EPHA3: variants seen among roughly 807,000 people sequenced by gnomAD.
EPHA3 encodes the protein ephrin type-A receptor 3.
A neutral mutation model predicts 107.1 loss-of-function variants in EPHA3; 42 were observed. The observed-to-expected ratio is 0.39, with a 90% CI of 0.31 to 0.51. The LOEUF (loss-of-function observed/expected upper bound fraction) is 0.51. EPHA3 is among the 20% of genes least tolerant of loss of function. The probability of loss-of-function intolerance (pLI) is 0.78; values close to 1 mark genes in which losing one functional copy is unlikely to be tolerated. For missense variants in EPHA3, 1,183 were observed against 1,211.2 expected (o/e 0.98, Z 0.35); for synonymous variants, 461 against 424.8 (o/e 1.09, Z -1.05).
At chr3:89,422,856 T>G (rs1292742317) in intron 11 of EPHA3, among the ~76,000 whole-genome samples, 1 of 151,450 alleles carries the variant, frequency 6.6e-6, no homozygotes, top group Non-Finnish European at 1.5e-5. Context: ...GTATTTTCAT[T>G]TAGCCACAAA....
At chr3:89,307,515 A>G (rs1048582001) in intron 3 of EPHA3, among the ~76,000 whole-genome samples, 2 of 152,190 alleles carry the variant, frequency 1.3e-5, no homozygotes, top group African/African-American at 4.8e-5. Flanking sequence ...TGGTATATAT[A>G]TGGTTACCAG....
At chr3:89,117,770 T>C (rs974646700) in intron 1 of EPHA3, among the ~76,000 whole-genome samples, 1 of 152,144 alleles carries the variant, frequency 6.6e-6, no homozygotes, top group African/African-American at 2.4e-5. Context: ...TTGATTTATT[T>C]GTCACTATCT....
intron 5 of EPHA3, among the ~76,000 whole-genome samples, chr3:89,350,094 C>G (rs1707772114): frequency 6.6e-6 from 1 of 150,750 alleles, no homozygotes; most frequent in Non-Finnish European, 1.5e-5. Context: ...AATTATGTGT[C>G]TTGGAGTTGC....
At chr3:89,460,959 A>G (rs1463631556) in intron 15 of EPHA3, among the ~76,000 whole-genome samples, 1 of 121,060 alleles carries the variant, frequency 8.3e-6, no homozygotes, top group Non-Finnish European at 1.7e-5. Flanking sequence ...TATATCTCCC[A>G]ATGCTATCCC....
At chr3:89,132,147 C>T (rs1189690631) in intron 2 of EPHA3, among the ~76,000 whole-genome samples, 2 of 152,116 alleles carry the variant, frequency 1.3e-5, no homozygotes, top group African/African-American at 4.8e-5. Flanking sequence ...TCCGTTTGGG[C>T]TTGTTCTGTA....
intron 2 of EPHA3, among the ~76,000 whole-genome samples, chr3:89,155,509 A>C (rs1160238649): frequency 6.6e-6 from 1 of 152,062 alleles, no homozygotes; most frequent in Non-Finnish European, 1.5e-5. Context: ...CAAAGTTTGT[A>C]AGAAAGATTT....
At chr3:89,426,061 G>A (rs1349264570) in intron 11 of EPHA3, among the ~76,000 whole-genome samples, 1 of 151,616 alleles carries the variant, frequency 6.6e-6, no homozygotes, top group African/African-American at 2.4e-5. Context: ...TTTCATTTCA[G>A]CAAGTCATAG....
rs151152597 is a variant in EPHA3, at chr3:89,316,890, C to T, written c.815-24026C>T. Reference sequence around the variant, plus strand: ...TTATGAATGGTCATTTCAATGTTCACAACCACTCTTTGAGGGAGATATTTT... The same window carrying T: ...TTATGAATGGTCATTTCAATGTTCATAACCACTCTTTGAGGGAGATATTTT... On this transcript the variant is annotated intron_variant, in intron 3 of 16. Coordinates refer to ENST00000336596, the MANE Select transcript of EPHA3 (RefSeq NM_005233.6). Among the ~76,000 whole-genome samples the T allele has an allele frequency of 2.2e-4, 33 of 151,720 alleles. No individual in the cohort carries two copies. The East Asian group carries it at 5.3e-3, about 24-fold the overall frequency.
In EPHA3 at chr3:89,163,692, A is replaced by G. The variant is rs567582495; in HGVS notation, c.153+36419A>G. On this transcript the variant is annotated intron_variant, in intron 2 of 16. Transcript: ENST00000336596. The stretch of plus-strand genomic sequence containing the variant: ...TCGAGGACTCTTGTCCGATTTCCCA[A>G]TCAGACAAGATTGTGAGCTGTGGGT... Among the ~76,000 whole-genome samples, 4 of 152,302 alleles carry G rather than the reference A, an allele frequency of 2.6e-5. No individual in the cohort carries two copies. In the South Asian group the frequency reaches 8.3e-4, roughly 32 times the overall value.
At chr3:89,264,729 G>T (rs1349087652) in intron 3 of EPHA3, among the ~76,000 whole-genome samples, 1 of 151,916 alleles carries the variant, frequency 6.6e-6, no homozygotes, top group Admixed American at 6.6e-5. Flanking sequence ...CCACATCCTA[G>T]GCTCTCAGGA....
intron 4 of EPHA3, 25 bp downstream of exon 4, chr3:89,341,096 G>A (rs2107417812): frequency 3.7e-6 from 6 of 1,604,982 alleles, no homozygotes; most frequent in Non-Finnish European, 5.1e-6. Flanking sequence ...TGCAACCCAT[G>A]CCTCCATGTT....
At position 89,355,254 on chromosome 3, in the gene EPHA3, T is replaced by C. The variant is rs193205247; in HGVS notation, c.1306+13164T>C. Among the ~76,000 whole-genome samples, 21 of 151,350 alleles carry C rather than the reference T, an allele frequency of 1.4e-4. No homozygotes were observed. The East Asian group carries it at 3.1e-3, about 22-fold the overall frequency. On this transcript the variant is annotated intron_variant, in intron 5 of 16. Transcript: ENST00000336596. Reference sequence around the variant, plus strand: ...AATATTCATCTTGATCCCACTCCAATTGGGCCTCAGAGTAGGTCAGAACTA... The same window carrying C: ...AATATTCATCTTGATCCCACTCCAACTGGGCCTCAGAGTAGGTCAGAACTA...
chr3:89,188,798 CA>C (rs1705636290), intron 2 of EPHA3, among the ~76,000 whole-genome samples: 1 of 152,194 alleles, frequency 6.6e-6, no homozygotes, highest in Non-Finnish European at 1.5e-5. Flanking sequence ...GACAATTTAT[CA>C]GAGCTGTGAT....
intron 2 of EPHA3, among the ~76,000 whole-genome samples, chr3:89,160,013 A>C (rs1256095303): frequency 6.6e-6 from 1 of 152,038 alleles, no homozygotes; most frequent in Non-Finnish European, 1.5e-5. Flanking sequence ...AAATTATACT[A>C]GATTTGGAAA....
intron 3 of EPHA3, among the ~76,000 whole-genome samples, chr3:89,298,816 A>G (rs1362000076): frequency 6.6e-6 from 1 of 152,114 alleles, no homozygotes; most frequent in African/African-American, 2.4e-5. Flanking sequence ...ATATATGATT[A>G]ACTGTCAAAT....
intron 3 of EPHA3, among the ~76,000 whole-genome samples, chr3:89,338,802 G>T (rs1376718086): frequency 1.3e-5 from 2 of 152,228 alleles, no homozygotes; most frequent in East Asian, 3.9e-4. Flanking sequence ...TACAACATTT[G>T]TTATACAGGT....
chr3:89,172,154 G>A lies in EPHA3; in HGVS notation c.154-37706G>A, dbSNP rs117465759. On this transcript the variant is annotated intron_variant, in intron 2 of 16. Transcript: ENST00000336596. ...TAGCATATTGTTATAAATGTTAATG[G>A]CCTGACAGCAAGGATGGGCTTTTTC... 8.7e-4 allele frequency among the ~76,000 whole-genome samples: 133 copies of A among 152,208 alleles called. 1 individual carries two copies. The East Asian group carries it at 0.024, about 27-fold the overall frequency.
intron 2 of EPHA3, among the ~76,000 whole-genome samples, chr3:89,158,071 C>T (rs541442502): frequency 7.2e-5 from 11 of 152,094 alleles, no homozygotes; most frequent in South Asian, 2.1e-4. Context: ...TATACCATTG[C>T]TTCACAAATA....
chr3:89,294,702 G>A (rs1425226685), intron 3 of EPHA3, among the ~76,000 whole-genome samples: 1 of 151,928 alleles, frequency 6.6e-6, no homozygotes. Context: ...TTCCTTATTT[G>A]TATTTCAGTA....
Sources: allele counts gnomAD v4.1 joint callset (sites outside exome capture counted in the v4.1 genomes callset), GRCh38; gene constraint gnomAD v4.1.1; transcripts MANE v1.5; gene names NCBI Gene and HGNC (gene_info 2026-07-23, HGNC 2026-07-21).